The following FHL2 variants were observed in gnomAD, a reference collection of about 807,000 sequenced individuals.
FHL2 encodes the protein four and a half LIM domains protein 2.
In FHL2, 20 loss-of-function variants were observed where a neutral mutation model predicts 32.7. The ratio of observed to expected loss-of-function variants is 0.61; its 90% CI spans 0.43 to 0.89. The LOEUF is 0.89. Ranked by LOEUF, FHL2 falls within the 40% of genes least tolerant of loss-of-function variation. The pLI is 0.00. For synonymous variants in FHL2, 123 were observed against 128.1 expected, an observed-to-expected ratio of 0.96 and a Z score of 0.27; for missense variants, 311 against 358.6, an observed-to-expected ratio of 0.87 and a Z score of 1.07.
intron 1 of FHL2, among the ~76,000 whole-genome samples, chr2:105,411,538 G>GTTTT (rs9308884): frequency 2.5e-5 from 2 of 81,150 alleles, no homozygotes; most frequent in Admixed American, 1.8e-4. Flanking sequence ...TGAACTTAGG[G>GTTTT]TTTTTTTTTT....
At chr2:105,412,788 G>A (rs1683833581) in intron 1 of FHL2, among the ~76,000 whole-genome samples, 1 of 152,212 alleles carries the variant, frequency 6.6e-6, no homozygotes, top group South Asian at 2.1e-4. Context: ...CACAGCCGAG[G>A]AGCAGTGGCC....
At chr2:105,379,784 A>G (rs572283909) in intron 3 of FHL2, among the ~76,000 whole-genome samples, 7 of 152,258 alleles carry the variant, frequency 4.6e-5, no homozygotes, top group African/African-American at 1.7e-4. Flanking sequence ...CTTCTCCCCA[A>G]AAGGCCAAAT....
chr2:105,386,311 CGTG>C (rs776653261), intron 3 of FHL2, 47 bp downstream of exon 3: 2 of 1,592,948 alleles, frequency 1.3e-6, no homozygotes, highest in Non-Finnish European at 1.7e-6. Flanking sequence ...CAGAGAAACC[CGTG>C]TTTCCTAGGG....
intron 4 of FHL2, among the ~76,000 whole-genome samples, chr2:105,371,701 G>T (rs775474074): frequency 6.6e-6 from 1 of 152,206 alleles, no homozygotes; most frequent in Non-Finnish European, 1.5e-5. Context: ...TACTTTTTAT[G>T]TCATGGTTGG....
At chr2:105,398,106 G>A (rs368473533) in intron 1 of FHL2, among the ~76,000 whole-genome samples, 1 of 152,120 alleles carries the variant, frequency 6.6e-6, no homozygotes, top group Admixed American at 6.5e-5. Context: ...TGATGTCTAA[G>A]TACACTGCTG....
chr2:105,361,500 G>A, intron 6 of FHL2, 66 bp from the exon 7 acceptor site: 2 of 1,454,330 alleles, frequency 1.4e-6, no homozygotes, highest in Non-Finnish European at 1.9e-6. Flanking sequence ...GACTGAAGAA[G>A]GAATTCTGGT....
At chr2:105,406,169 A>T (rs1474906081) in intron 1 of FHL2, among the ~76,000 whole-genome samples, 1 of 152,240 alleles carries the variant, frequency 6.6e-6, no homozygotes, top group East Asian at 1.9e-4. Flanking sequence ...ATAGTAGTTG[A>T]CTGCTGAAGT....
chr2:105,420,812 T>C (rs1018256684), intron 1 of FHL2, among the ~76,000 whole-genome samples: 3 of 152,156 alleles, frequency 2.0e-5, no homozygotes, highest in African/African-American at 7.2e-5. Context: ...GGGTTCATGC[T>C]CCTGTAAGTA....
chr2:105,437,670 T>C (rs533667870), intron 1 of FHL2, among the ~76,000 whole-genome samples: 1 of 152,340 alleles, frequency 6.6e-6, no homozygotes, highest in Non-Finnish European at 1.5e-5. Flanking sequence ...ACATGGAGTC[T>C]GGCTAGAGGA....
chr2:105,418,431 CA>C (rs57767173), intron 1 of FHL2, among the ~76,000 whole-genome samples: 62,683 of 148,144 alleles, frequency 0.42, 13,136 homozygotes, highest in Admixed American at 0.49. Flanking sequence ...ACAACATCAA[CA>C]AAAAAAAAAC....
intron 6 of FHL2, among the ~76,000 whole-genome samples, chr2:105,362,662 T>C (rs966938106): frequency 2.6e-5 from 4 of 152,240 alleles, no homozygotes; most frequent in African/African-American, 9.6e-5. Flanking sequence ...TGTAGCGATA[T>C]GTGGTGACCA....
At chr2:105,437,234 T>A (rs1684639470) in intron 1 of FHL2, among the ~76,000 whole-genome samples, 1 of 152,216 alleles carries the variant, frequency 6.6e-6, no homozygotes, top group East Asian at 1.9e-4. Context: ...AGTGGATTAG[T>A]CACCTACTCA....
intron 1 of FHL2, among the ~76,000 whole-genome samples, chr2:105,429,154 C>T (rs1482120435): frequency 6.6e-6 from 1 of 152,114 alleles, no homozygotes; most frequent in Admixed American, 6.5e-5. Flanking sequence ...TCCACTGCCA[C>T]AAGGGGGAAA....
At chr2:105,433,999 G>A (rs1434504619) in intron 1 of FHL2, among the ~76,000 whole-genome samples, 1 of 151,992 alleles carries the variant, frequency 6.6e-6, no homozygotes, top group Non-Finnish European at 1.5e-5. Flanking sequence ...ATATTTTCTG[G>A]TACCTTCAAA....
chr2:105,415,017 C>A (rs915027014), intron 1 of FHL2, among the ~76,000 whole-genome samples: 4 of 152,172 alleles, frequency 2.6e-5, no homozygotes, highest in African/African-American at 7.2e-5. Context: ...ATCTTTTGAT[C>A]CTTAAAGTTA....
rs1680726771 is a variant in FHL2 at position 105,367,616 on chromosome 2, G to A, written c.455C>T (p.Pro152Leu). Reference protein sequence around the residue: ...IPKDNQNFCVPCYEKQHAMQC... With the variant: ...IPKDNQNFCVLCYEKQHAMQC... ...CATGGCATGTTGTTTCTCATAGCAG[G>A]GCACACAGAAATTCTGATTGTCTTT... is the stretch of plus-strand genomic sequence containing the variant. The change falls in exon 5 of 7, where the codon CCC becomes CTC. Residue 152 changes from proline to leucine, a missense_variant. Physicochemically the swap from Pro to Leu is moderately conservative, Grantham distance 98. Coordinates refer to ENST00000530340, the MANE Select transcript of FHL2 (RefSeq NM_001318895.3). 1 of 1,614,012 alleles carries A rather than the reference G, an allele frequency of 6.2e-7. No homozygotes were observed. The highest frequency in any genetic ancestry group is 1.3e-5 in the African/African-American group (1 of 74,914).
At chr2:105,367,146 C>T (rs1347658305) in intron 5 of FHL2, among the ~76,000 whole-genome samples, 1 of 152,222 alleles carries the variant, frequency 6.6e-6, no homozygotes. Context: ...CTTTTCTTCT[C>T]ACATCCGTCT....
chr2:105,396,717 T>G lies in FHL2; in HGVS notation c.-75-20A>C. The G allele has an allele frequency of 6.2e-7, 1 of 1,611,984 alleles. No homozygotes were observed. Among genetic ancestry groups the G allele is most frequent in the Non-Finnish European group, 8.5e-7 (1 of 1,179,492 alleles). On this transcript the variant is annotated intron_variant, in intron 1 of 6. Coordinates refer to ENST00000530340, the MANE Select transcript of FHL2 (RefSeq NM_001318895.3). ...CAGCCACTAGAGAAAGCACACGTGT[T>G]TTGTTTCAGATGGTCATCTTGAGGA...
intron 3 of FHL2, among the ~76,000 whole-genome samples, chr2:105,384,023 C>T (rs538717015): frequency 1.3e-5 from 2 of 152,294 alleles, no homozygotes; most frequent in South Asian, 4.1e-4. Flanking sequence ...GCTCATAAAA[C>T]ATGCGTGGAA....
Sources: allele counts gnomAD v4.1 joint callset (sites outside exome capture counted in the v4.1 genomes callset), GRCh38; gene constraint gnomAD v4.1.1; transcripts MANE v1.5; gene names NCBI Gene and HGNC (gene_info 2026-07-23, HGNC 2026-07-21).